The following NELL1 variants were observed in gnomAD, a reference collection of about 807,000 sequenced individuals.
NELL1 encodes protein kinase C-binding protein NELL1.
NELL1 carries 76 observed loss-of-function variants against 107.4 expected under a neutral mutation model. That is an observed-to-expected ratio of 0.71 (90% confidence interval 0.59 to 0.86). NELL1 has a LOEUF of 0.86. Among genes scored for constraint, NELL1 ranks in the 40% least tolerant of loss-of-function variants. The pLI is 0.00. For synonymous variants in NELL1, 353 were observed against 341.2 expected, an observed-to-expected ratio of 1.03 and a Z score of -0.38; for missense variants, 1,024 against 1,005.5, an observed-to-expected ratio of 1.02 and a Z score of -0.25.
rs933621183 is a variant in NELL1 at position 20,673,051 on chromosome 11, G to A, written c.55+3273G>A. On this transcript the variant is annotated intron_variant, in intron 1 of 19. Coordinates refer to ENST00000357134, the MANE Select transcript of NELL1 (RefSeq NM_006157.5). ...CTAATTTTGTATTTTTAGTAGAGATGGAGTTTCTTCATATTGGTCAGGCTG... is the reference window on the plus strand; with the variant it reads ...CTAATTTTGTATTTTTAGTAGAGATAGAGTTTCTTCATATTGGTCAGGCTG... Among the ~76,000 whole-genome samples, 2 of 146,116 alleles carry A rather than the reference G, an allele frequency of 1.4e-5. 1 individual carries two copies. Among genetic ancestry groups the A allele is most frequent in the Non-Finnish European group, 3.0e-5 (2 of 67,074 alleles).
At chr11:20,879,717 C>T (rs1265256544) in intron 4 of NELL1, among the ~76,000 whole-genome samples, 1 of 151,942 alleles carries the variant, frequency 6.6e-6, no homozygotes, top group Non-Finnish European at 1.5e-5. Context: ...GATTAACTTT[C>T]CACAAAAATA....
At chr11:21,089,824 G>A (rs960374849) in intron 12 of NELL1, among the ~76,000 whole-genome samples, 1 of 152,132 alleles carries the variant, frequency 6.6e-6, no homozygotes, top group Non-Finnish European at 1.5e-5. Flanking sequence ...AGCCATTTGG[G>A]GATATTTCAA....
At chr11:21,437,237 C>CTCTA (rs1564893142) in intron 15 of NELL1, among the ~76,000 whole-genome samples, 1 of 152,106 alleles carries the variant, frequency 6.6e-6, no homozygotes, top group Non-Finnish European at 1.5e-5. Flanking sequence ...TTGTATTGGG[C>CTCTA]TCTATCTTTC....
intron 14 of NELL1, among the ~76,000 whole-genome samples, chr11:21,321,306 G>A (rs1850003972): frequency 6.6e-6 from 1 of 151,994 alleles, no homozygotes; most frequent in Non-Finnish European, 1.5e-5. Context: ...CCAGGAAGAG[G>A]GAAAGATCAT....
At chr11:21,442,225 C>A (rs1191896283) in intron 15 of NELL1, among the ~76,000 whole-genome samples, 1 of 152,084 alleles carries the variant, frequency 6.6e-6, no homozygotes, top group East Asian at 1.9e-4. Flanking sequence ...AGTAGATTTA[C>A]CTAAGATTAG....
rs140435310 is a variant in NELL1, at chr11:21,329,960, C to T, written c.1550-40893C>T. On this transcript the variant is annotated intron_variant, in intron 14 of 19. Coordinates refer to ENST00000357134, the MANE Select transcript of NELL1 (RefSeq NM_006157.5). ...TTACAATAATTATTTCTATATATAG[C>T]TTAATGTCTTTTAAAGTAGCTGAGA... Among the ~76,000 whole-genome samples, 1,025 of 152,080 alleles carry T rather than the reference C, an allele frequency of 6.7e-3. 13 individuals are homozygous for T. The highest frequency in any genetic ancestry group is 0.024 in the African/African-American group (977 of 41,502).
intron 14 of NELL1, among the ~76,000 whole-genome samples, chr11:21,297,259 T>G (rs1337466329): frequency 6.6e-6 from 1 of 152,024 alleles, no homozygotes; most frequent in Non-Finnish European, 1.5e-5. Context: ...CAGGGTGATA[T>G]GGTCATAGAC....
At chr11:21,360,106 CT>C (rs1433333244) in intron 14 of NELL1, among the ~76,000 whole-genome samples, 3 of 152,056 alleles carry the variant, frequency 2.0e-5, no homozygotes, top group Non-Finnish European at 4.4e-5. Context: ...CTCTTTCAGA[CT>C]TTTTGATGTA....
Position 21,357,538 on chromosome 11 carries a change from G to GCA in NELL1, c.1550-13315_1550-13314insCA, listed in dbSNP as rs201906783. On this transcript the variant is annotated intron_variant, in intron 14 of 19. Coordinates refer to ENST00000357134, the MANE Select transcript of NELL1 (RefSeq NM_006157.5). ...TGCTGACTTATTTGAGTTCCTTGAA[G>GCA]AGTCTGGATAGTAGTCCTTTGTTGT... 9.5e-3 allele frequency among the ~76,000 whole-genome samples: 1,440 copies of GCA among 152,262 alleles called. 9 individuals carry two copies. Among genetic ancestry groups the GCA allele is most frequent in the Non-Finnish European group, 0.013 (866 of 68,016 alleles).
intron 17 of NELL1, among the ~76,000 whole-genome samples, chr11:21,564,913 C>G (rs1856935308): frequency 6.6e-6 from 1 of 151,888 alleles, no homozygotes; most frequent in African/African-American, 2.4e-5. Context: ...GCCAGCGACA[C>G]TCTCAAGAAC....
chr11:21,204,922 TG>T (rs1198306556), intron 13 of NELL1, among the ~76,000 whole-genome samples: 1 of 152,170 alleles, frequency 6.6e-6, no homozygotes, highest in Non-Finnish European at 1.5e-5. Context: ...CCTGTTTGCC[TG>T]GGTATCACCA....
chr11:20,900,251 T>A lies in NELL1; in HGVS notation c.603+14711T>A, dbSNP rs1849843478. Among the ~76,000 whole-genome samples the A allele has an allele frequency of 1.3e-5, 2 of 152,138 alleles. 1 individual carries two copies. Among genetic ancestry groups the A allele is most frequent in the South Asian group, 4.1e-4 (2 of 4,830 alleles). On this transcript the variant is annotated intron_variant, in intron 5 of 19. Transcript: ENST00000357134. ...GTTTACATGATCATGGAATAAAGTT[T>A]CAAGAGTCAGAGCAGAAATGTGCAT...
chr11:21,232,146 A>AAAAT (rs1858069332), intron 14 of NELL1, among the ~76,000 whole-genome samples: 1 of 31,492 alleles, frequency 3.2e-5, no homozygotes, highest in Non-Finnish European at 5.8e-5. Flanking sequence ...CTAAAAAAAA[A>AAAAT]TAAAAAAAAA....
At chr11:21,258,309 C>G (rs777160129) in intron 14 of NELL1, among the ~76,000 whole-genome samples, 91 of 152,022 alleles carry the variant, frequency 6.0e-4, no homozygotes, top group Non-Finnish European at 1.2e-3. Flanking sequence ...ACTGTGGAAA[C>G]AGACCTCAAT....
At chr11:21,214,888 A>C (rs1857581014) in intron 13 of NELL1, among the ~76,000 whole-genome samples, 1 of 152,312 alleles carries the variant, frequency 6.6e-6, no homozygotes, top group Admixed American at 6.5e-5. Flanking sequence ...ATAGAACTAT[A>C]CACATACATA....
chr11:21,063,976 T>G (rs1329811081), intron 12 of NELL1, among the ~76,000 whole-genome samples: 1 of 142,860 alleles, frequency 7.0e-6, no homozygotes, highest in Admixed American at 7.0e-5. Flanking sequence ...AGTGTAGATC[T>G]TCTAGGAGAG....
intron 12 of NELL1, among the ~76,000 whole-genome samples, chr11:21,036,731 G>GTC (rs1454961382): frequency 1.3e-5 from 2 of 151,266 alleles, no homozygotes; most frequent in Non-Finnish European, 3.0e-5. Flanking sequence ...CTCTCTCTCT[G>GTC]TCTCACACAC....
intron 13 of NELL1, among the ~76,000 whole-genome samples, chr11:21,137,270 A>G (rs1855763898): frequency 6.6e-6 from 1 of 152,222 alleles, no homozygotes; most frequent in South Asian, 2.1e-4. Context: ...CTGGAGGAGA[A>G]CCCCATGTAG....
At chr11:21,533,626 A>G (rs1178893566) in intron 15 of NELL1, among the ~76,000 whole-genome samples, 1 of 152,170 alleles carries the variant, frequency 6.6e-6, no homozygotes, top group Admixed American at 6.6e-5. Flanking sequence ...GATTCTAAAA[A>G]GCCAGAGCCT....
Sources: allele counts gnomAD v4.1 joint callset (sites outside exome capture counted in the v4.1 genomes callset), GRCh38; gene constraint gnomAD v4.1.1; transcripts MANE v1.5; gene names NCBI Gene and HGNC (gene_info 2026-07-23, HGNC 2026-07-21).